The following ACVR1 variants were observed in gnomAD, a reference collection of about 807,000 sequenced individuals.
ACVR1 encodes activin A receptor type 1, also known as activin receptor type-1.
In ACVR1, 38 loss-of-function variants were observed where a neutral mutation model predicts 57.1. The observed-to-expected ratio is 0.67, with a 90% CI of 0.51 to 0.87. The LOEUF is 0.87. Ranked by LOEUF, ACVR1 falls within the 40% of genes least tolerant of loss-of-function variation. The probability of loss-of-function intolerance (pLI) is 0.00; values close to 1 mark genes in which losing one functional copy is unlikely to be tolerated. For synonymous variants in ACVR1, 212 were observed against 228.1 expected, an observed-to-expected ratio of 0.93 and a Z score of 0.63; for missense variants, 463 against 638.2, an observed-to-expected ratio of 0.73 and a Z score of 2.96.
At chr2:157,810,342 CT>C (rs969342033) in intron 2 of ACVR1, among the ~76,000 whole-genome samples, 3 of 152,126 alleles carry the variant, frequency 2.0e-5, no homozygotes, top group African/African-American at 7.2e-5. Flanking sequence ...AAAGAGAAAA[CT>C]GTAAGAACAT....
At chr2:157,771,821 C>T (rs914004144) in intron 6 of ACVR1, among the ~76,000 whole-genome samples, 11 of 152,296 alleles carry the variant, frequency 7.2e-5, no homozygotes, top group African/African-American at 2.6e-4. Flanking sequence ...TTGTGGGCCA[C>T]TGTTGGGTCA....
In ACVR1 at chr2:157,737,095, A is replaced by G. The variant is rs1684560344; in HGVS notation, c.*436T>C. The G allele has an allele frequency of 3.4e-6, 1 of 296,628 alleles. No homozygotes were observed. The highest frequency in any genetic ancestry group is 6.3e-6 in the Non-Finnish European group (1 of 158,976). The allele number at this position is 296,628 out of a possible 1,614,324, so 18.4% of individuals were successfully genotyped here. On this transcript the variant is annotated 3_prime_UTR_variant, in exon 11 of 11. Transcript: ENST00000434821. ...GAGTAACAGTGCAAGTAAGGAATGC[A>G]AAGAATTCCTAGTGCAATAAAGAAG...
chr2:157,799,489 A>G lies in ACVR1; in HGVS notation c.5T>C (p.Val2Ala). The change falls in exon 3 of 11, where the codon GTA becomes GCA. Residue 2 changes from valine (V) to alanine (A), a missense_variant. By Grantham distance (64) the Val-to-Ala change is moderately conservative (BLOSUM62 0). Coordinates refer to ENST00000434821, the MANE Select transcript of ACVR1 (RefSeq NM_001111067.4). MVDGVMILPVLI... is the reference protein window; with the variant it reads MADGVMILPVLI... ...CACAGGAAGAATCATCACTCCATCT[A>G]CCATTGTACAACTGTAAAGGGAAAA... 1 of 1,610,744 alleles carries G rather than the reference A, an allele frequency of 6.2e-7. No homozygotes were observed. The highest frequency in any genetic ancestry group is 8.5e-7 in the Non-Finnish European group (1 of 1,177,164).
intron 3 of ACVR1, among the ~76,000 whole-genome samples, chr2:157,797,286 A>G (rs1409799869): frequency 6.6e-6 from 1 of 152,196 alleles, no homozygotes; most frequent in African/African-American, 2.4e-5. Flanking sequence ...ATAATATTCT[A>G]AGTACTGATT....
intron 1 of ACVR1, among the ~76,000 whole-genome samples, chr2:157,842,716 T>G (rs1280906546): frequency 6.6e-6 from 1 of 152,220 alleles, no homozygotes; most frequent in South Asian, 2.1e-4. Flanking sequence ...TTACTCAATT[T>G]CTAGCATTTT....
chr2:157,817,391 G>T (rs1687976418), intron 2 of ACVR1, among the ~76,000 whole-genome samples: 1 of 152,182 alleles, frequency 6.6e-6, no homozygotes, highest in African/African-American at 2.4e-5. Context: ...GATGGGAAAT[G>T]AATAGGTAGA....
At chr2:157,759,453 C>T (rs1018927598) in intron 9 of ACVR1, among the ~76,000 whole-genome samples, 7 of 151,860 alleles carry the variant, frequency 4.6e-5, no homozygotes, top group Non-Finnish European at 8.8e-5. Context: ...AAGATGGAGT[C>T]GGTAATAAAA....
At chr2:157,856,774 T>C (rs576986055) in intron 1 of ACVR1, among the ~76,000 whole-genome samples, 1 of 152,218 alleles carries the variant, frequency 6.6e-6, no homozygotes, top group Non-Finnish European at 1.5e-5. Context: ...AAATTGTGTA[T>C]GTTTTAAATA....
At chr2:157,843,002 A>C (rs1423534044) in intron 1 of ACVR1, among the ~76,000 whole-genome samples, 2 of 152,228 alleles carry the variant, frequency 1.3e-5, no homozygotes, top group African/African-American at 2.4e-5. Context: ...TCACAAAATT[A>C]TTCTTAAGAA....
At chr2:157,846,353 C>T (rs1421052099) in intron 1 of ACVR1, among the ~76,000 whole-genome samples, 4 of 152,172 alleles carry the variant, frequency 2.6e-5, no homozygotes, top group African/African-American at 4.8e-5. Context: ...GCAGCAGTGG[C>T]AAACTGAGTT....
chr2:157,747,203 G>C (rs543579284), intron 9 of ACVR1, among the ~76,000 whole-genome samples: 2 of 152,118 alleles, frequency 1.3e-5, no homozygotes, highest in African/African-American at 4.8e-5. Flanking sequence ...TCCTAAAGCT[G>C]CTAAGAAAAT....
intron 9 of ACVR1, among the ~76,000 whole-genome samples, chr2:157,749,066 G>C (rs561089277): frequency 1.3e-5 from 2 of 152,298 alleles, no homozygotes; most frequent in Admixed American, 1.3e-4. Context: ...TCCTGGAATA[G>C]TTTCAGACAC....
chr2:157,851,767 C>A (rs1346241061), intron 1 of ACVR1, among the ~76,000 whole-genome samples: 1 of 151,882 alleles, frequency 6.6e-6, no homozygotes, highest in Non-Finnish European at 1.5e-5. Context: ...TGCAGAGCAA[C>A]TGCAGGTAAT....
intron 9 of ACVR1, among the ~76,000 whole-genome samples, chr2:157,758,160 C>G (rs1685507061): frequency 6.6e-6 from 1 of 151,740 alleles, no homozygotes; most frequent in African/African-American, 2.4e-5. Flanking sequence ...AAATAAAAAC[C>G]AAAAGCAAAC....
chr2:157,833,385 C>T (rs1460553079), intron 1 of ACVR1, among the ~76,000 whole-genome samples: 1 of 152,150 alleles, frequency 6.6e-6, no homozygotes, highest in Non-Finnish European at 1.5e-5. Context: ...CTTGGCTGTA[C>T]ATTAAAAGTG....
At chr2:157,856,516 C>A (rs927007824) in intron 1 of ACVR1, among the ~76,000 whole-genome samples, 1 of 152,162 alleles carries the variant, frequency 6.6e-6, no homozygotes, top group Non-Finnish European at 1.5e-5. Context: ...ATGTTTAACA[C>A]AAAACAACAC....
Position 157,798,402 on chromosome 2 carries a change from T to C in ACVR1, c.67+1025A>G, listed in dbSNP as rs1574077871. 1.3e-5 allele frequency among the ~76,000 whole-genome samples: 2 copies of C among 151,848 alleles called. 1 individual carries two copies. The highest frequency in any genetic ancestry group is 6.8e-3 in the Middle Eastern group (2 of 294). On this transcript the variant is annotated intron_variant, in intron 3 of 10. Coordinates refer to ENST00000434821, the MANE Select transcript of ACVR1 (RefSeq NM_001111067.4). ...CACCAATATAACACACCAGTACCAA[T>C]CTATTTTCGAAGATGTTGAAGATTA...
intron 1 of ACVR1, among the ~76,000 whole-genome samples, chr2:157,862,974 A>AAT (rs1390851777): frequency 6.6e-6 from 1 of 150,438 alleles, no homozygotes; most frequent in African/African-American, 2.4e-5. Context: ...CCATTCTATG[A>AAT]ATATATATAA....
chr2:157,808,891 A>AT, intron 2 of ACVR1, among the ~76,000 whole-genome samples: 1 of 151,902 alleles, frequency 6.6e-6, no homozygotes, highest in Non-Finnish European at 1.5e-5. Context: ...AAAAAAAAAA[A>AT]AAAAACAGAA....
Sources: gnomAD v4.1 joint callset for allele counts (sites outside exome capture counted in the v4.1 genomes callset) on GRCh38, gnomAD v4.1.1 for gene constraint, MANE v1.5 for transcripts, NCBI Gene and HGNC (gene_info 2026-07-23, HGNC 2026-07-21) for gene names.